Variants in ADAMTS17 observed in about 807,000 individuals in gnomAD.
ADAMTS17 encodes the protein A disintegrin and metalloproteinase with thrombospondin motifs 17.
ADAMTS17 carries 113 observed loss-of-function variants against 141.5 expected under a neutral mutation model. That is an observed-to-expected ratio of 0.80 (90% confidence interval 0.69 to 0.93). The LOEUF (loss-of-function observed/expected upper bound fraction) is 0.93, where lower values mean the gene tolerates loss of function less well. Among genes scored for constraint, ADAMTS17 ranks in the 40% least tolerant of loss-of-function variants. ADAMTS17 has a pLI of 0.00. For missense variants in ADAMTS17, 1,659 were observed against 1,517.9 expected (o/e 1.09, Z -1.54); for synonymous variants, 768 against 630.6 (o/e 1.22, Z -3.27).
chr15:100,194,698 T>C lies in ADAMTS17; in HGVS notation c.1181+4620A>G, dbSNP rs530766688. ...ACTTCTGGATTTTCCTCTTTCTCTT[T>C]AAAACCAAATTGTGATCGGCATGTT... On this transcript the variant is annotated intron_variant, in intron 8 of 21. Transcript: ENST00000268070. Among the ~76,000 whole-genome samples, 5 of 152,274 alleles carry C rather than the reference T, an allele frequency of 3.3e-5. No individual in the cohort carries two copies. The South Asian group carries it at 1.0e-3, about 32-fold the overall frequency.
intron 20 of ADAMTS17, among the ~76,000 whole-genome samples, chr15:99,984,302 G>C (rs550547237): frequency 2.8e-4 from 43 of 152,322 alleles, no homozygotes; most frequent in African/African-American, 1.0e-3. Context: ...TGGGGCTGGA[G>C]CTGTTCCCTG....
intron 21 of ADAMTS17, 89 bp downstream of exon 21, chr15:99,975,956 C>T: frequency 5.7e-6 from 8 of 1,413,900 alleles, no homozygotes; most frequent in Non-Finnish European, 7.6e-6. Context: ...AAGGGGCTTT[C>T]TGGCTGAAAG....
rs544928313 is a variant in ADAMTS17 at position 100,201,141 on chromosome 15, G to C, written c.1076-1718C>G. ...TGCAGAGTTCAGCCATACACAGGGT[G>C]GTCCCTCTGATGTGGTGTGGCTCTG... is the stretch of plus-strand genomic sequence containing the variant. On this transcript the variant is annotated intron_variant, in intron 7 of 21. Coordinates refer to ENST00000268070, the MANE Select transcript of ADAMTS17 (RefSeq NM_139057.4). Among the ~76,000 whole-genome samples, 53 of 152,302 alleles carry C rather than the reference G, an allele frequency of 3.5e-4. No homozygotes were observed. The South Asian group carries it at 0.011, about 30-fold the overall frequency.
intron 4 of ADAMTS17, among the ~76,000 whole-genome samples, chr15:100,263,866 C>T (rs2043616033): frequency 6.6e-6 from 1 of 152,240 alleles, no homozygotes; most frequent in South Asian, 2.1e-4. Context: ...ACATCAGCAT[C>T]AGCAGCAAGC....
intron 7 of ADAMTS17, among the ~76,000 whole-genome samples, chr15:100,241,553 G>T (rs1468478380): frequency 6.6e-6 from 1 of 152,200 alleles, no homozygotes; most frequent in African/African-American, 2.4e-5. Flanking sequence ...AGGGGCCATG[G>T]CTGCCAGTTC....
chr15:100,059,079 G>C (rs879681807), intron 15 of ADAMTS17, among the ~76,000 whole-genome samples: 4 of 152,194 alleles, frequency 2.6e-5, no homozygotes, highest in Non-Finnish European at 5.9e-5. Context: ...CCTCTAATTG[G>C]CTCTCACAAG....
rs530752498 is a variant in ADAMTS17, at chr15:100,329,518, C to T, written c.616+1371G>A. ...TCCAGCCTGGGTGACAGAGTGAGATCGTGTCTCCAAAAAAAAAAAAAAAGC... is the reference window on the plus strand; with the variant it reads ...TCCAGCCTGGGTGACAGAGTGAGATTGTGTCTCCAAAAAAAAAAAAAAAGC... On this transcript the variant is annotated intron_variant, in intron 3 of 21. Transcript: ENST00000268070. Among the ~76,000 whole-genome samples, 5 of 128,686 alleles carry T rather than the reference C, an allele frequency of 3.9e-5. No homozygotes were observed. The East Asian group carries it at 6.1e-4, about 16-fold the overall frequency. 84.4% of individuals were successfully genotyped at this position (128,686 alleles called of 152,430 possible).
chr15:100,066,779 C>A (rs1467717871), intron 15 of ADAMTS17, among the ~76,000 whole-genome samples: 2 of 149,486 alleles, frequency 1.3e-5, no homozygotes, highest in African/African-American at 4.9e-5. Context: ...ACTTGAAATA[C>A]ACTTTTCCGC....
At chr15:100,261,668 A>G in intron 5 of ADAMTS17, 32 bp from the exon 6 acceptor site, 1 of 1,606,494 alleles carries the variant, frequency 6.2e-7, no homozygotes, top group Non-Finnish European at 8.5e-7. Flanking sequence ...TTAGAGAAAC[A>G]AACGCCTGGG....
intron 2 of ADAMTS17, among the ~76,000 whole-genome samples, chr15:100,338,686 C>T (rs201458371): frequency 6.6e-6 from 1 of 152,072 alleles, no homozygotes; most frequent in Non-Finnish European, 1.5e-5. Context: ...CCTCCATGGC[C>T]ACCAAAAATC....
chr15:100,193,675 T>G (rs1482319954), intron 8 of ADAMTS17, among the ~76,000 whole-genome samples: 2 of 151,220 alleles, frequency 1.3e-5, no homozygotes, highest in Non-Finnish European at 3.0e-5. Flanking sequence ...AAACGCCCAG[T>G]GCTCCTGCTG....
At chr15:100,098,152 G>A (rs991004873) in intron 14 of ADAMTS17, among the ~76,000 whole-genome samples, 2 of 152,190 alleles carry the variant, frequency 1.3e-5, no homozygotes, top group Admixed American at 6.5e-5. Flanking sequence ...CTTGATGGTG[G>A]CTGGGGAGAT....
intron 10 of ADAMTS17, among the ~76,000 whole-genome samples, chr15:100,140,044 G>A (rs914082766): frequency 6.6e-6 from 1 of 152,128 alleles, no homozygotes; most frequent in Non-Finnish European, 1.5e-5. Flanking sequence ...CACCCAGGCT[G>A]GAGTGCAGTG....
At chr15:100,225,570 G>A (rs549788626) in intron 7 of ADAMTS17, among the ~76,000 whole-genome samples, 3 of 148,560 alleles carry the variant, frequency 2.0e-5, no homozygotes, top group African/African-American at 7.4e-5. Context: ...GTGCCATTCA[G>A]TCCTCACAGC....
chr15:100,011,355 C>CGGGAGGGAGAGAAGGAAAGGAGGGAT (rs2061174280), intron 18 of ADAMTS17, among the ~76,000 whole-genome samples: 1 of 5,608 alleles, frequency 1.8e-4, no homozygotes, highest in African/African-American at 8.1e-4. Context: ...GGAGGAGGGA[C>CGGGAGGGAGAGAAGGAAAGGAGGGAT]GGGAGGGAGA....
rs565631966 is a variant in ADAMTS17, at chr15:100,338,673, C to T, written c.450+2366G>A. 3.7e-4 allele frequency among the ~76,000 whole-genome samples: 57 copies of T among 152,188 alleles called. No homozygotes were observed. In the South Asian group the frequency reaches 5.4e-3, roughly 14 times the overall value. On this transcript the variant is annotated intron_variant, in intron 2 of 21. Transcript: ENST00000268070. ...AGATACAAGGACACTTCGAAATGCC[C>T]CTCCTCCATGGCCACCAAAAATCAT... is the stretch of plus-strand genomic sequence containing the variant.
chr15:100,105,579 GAT>G (rs1171122459), intron 14 of ADAMTS17, among the ~76,000 whole-genome samples: 3 of 152,218 alleles, frequency 2.0e-5, no homozygotes, highest in Non-Finnish European at 2.9e-5. Flanking sequence ...ATACCAACGT[GAT>G]AGTATTTGGG....
chr15:99,998,661 C>T (rs964512724), intron 18 of ADAMTS17, among the ~76,000 whole-genome samples: 6 of 152,246 alleles, frequency 3.9e-5, no homozygotes, highest in South Asian at 4.2e-4. Flanking sequence ...CCTGATGATC[C>T]GATGCATTAG....
chr15:100,093,029 A>AT (rs35802828), intron 15 of ADAMTS17, among the ~76,000 whole-genome samples: 1 of 152,240 alleles, frequency 6.6e-6, no homozygotes, highest in Admixed American at 6.5e-5. Context: ...AGGCATGAGC[A>AT]TTTTGAAGCC....
Sources: allele counts gnomAD v4.1 joint callset (sites outside exome capture counted in the v4.1 genomes callset), GRCh38; gene constraint gnomAD v4.1.1; transcripts MANE v1.5; gene names NCBI Gene and HGNC (gene_info 2026-07-23, HGNC 2026-07-21).